The following CDH23 variants were observed in gnomAD, a reference collection of about 807,000 sequenced individuals.
CDH23 encodes cadherin-23.
Under a neutral mutation model 317.1 loss-of-function variants are expected in CDH23, and 189 were observed. The ratio of observed to expected loss-of-function variants is 0.60; its 90% CI spans 0.53 to 0.67. The LOEUF is 0.67. Among genes scored for constraint, CDH23 ranks in the 30% least tolerant of loss-of-function variants. CDH23 has a pLI of 0.00. For synonymous variants in CDH23, 1,839 were observed against 1,876.8 expected, an observed-to-expected ratio of 0.98 and a Z score of 0.52; for missense variants, 4,401 against 4,592.4, an observed-to-expected ratio of 0.96 and a Z score of 1.20.
At chr10:71,441,098 C>T (rs1849854364) in intron 2 of CDH23, among the ~76,000 whole-genome samples, 1 of 152,178 alleles carries the variant, frequency 6.6e-6, no homozygotes, top group South Asian at 2.1e-4. Context: ...TCTCAGAGTG[C>T]AAGGGAGCCT....
chr10:71,618,840 CACGT>C (rs1861327515), intron 11 of CDH23, among the ~76,000 whole-genome samples: 1 of 149,518 alleles, frequency 6.7e-6, no homozygotes, highest in South Asian at 2.1e-4. Flanking sequence ...TGTGTGTGCA[CACGT>C]GTGTGTGTGT....
At position 71,791,242 on chromosome 10, in the gene CDH23, C is replaced by T; in HGVS notation, c.6160C>T (p.His2054Tyr). Residue 2054 changes from histidine (H) to tyrosine (Y), a missense_variant, in exon 47 of 70, where the codon CAC (histidine) becomes TAC (tyrosine). His to Tyr is a moderately conservative substitution (Grantham distance 83). Transcript: ENST00000224721. ...CATCGGGCTGCTCAACAGCACGGCC[C>T]ACCTGCTCATCACCATCCTGGATGA... ...EDIGLLNSTA[H>Y]LLITILDDND... The T allele has an allele frequency of 1.2e-6, 2 of 1,613,638 alleles. No homozygotes were observed. Among genetic ancestry groups the T allele is most frequent in the Non-Finnish European group, 1.7e-6 (2 of 1,179,610 alleles).
At chr10:71,786,488 CTTTT>C (rs71018221) in intron 44 of CDH23, among the ~76,000 whole-genome samples, 1 of 105,376 alleles carries the variant, frequency 9.5e-6, no homozygotes, top group Non-Finnish European at 1.8e-5. Context: ...GCTTCCTACT[CTTTT>C]TTTTTTTTTT....
intron 6 of CDH23, among the ~76,000 whole-genome samples, chr10:71,560,373 G>C (rs1375954245): frequency 6.6e-6 from 1 of 151,968 alleles, no homozygotes; most frequent in Non-Finnish European, 1.5e-5. Flanking sequence ...TTTGGCTACA[G>C]CTCCCCACCA....
intron 48 of CDH23, among the ~76,000 whole-genome samples, chr10:71,794,877 G>A (rs1300352798): frequency 1.3e-5 from 2 of 152,176 alleles, no homozygotes; most frequent in Non-Finnish European, 2.9e-5. Context: ...ATTGGTGATG[G>A]TGGAGTTGGG....
At chr10:71,763,364 A>C (rs1840446396) in intron 38 of CDH23, among the ~76,000 whole-genome samples, 1 of 152,162 alleles carries the variant, frequency 6.6e-6, no homozygotes, top group Admixed American at 6.5e-5. Context: ...GCAGAGAGGG[A>C]AGGAGGGTTA....
intron 6 of CDH23, among the ~76,000 whole-genome samples, chr10:71,526,345 G>A (rs1855039923): frequency 1.3e-5 from 2 of 152,238 alleles, no homozygotes; most frequent in Admixed American, 1.3e-4. Flanking sequence ...CGTGGGCCCA[G>A]GAGGCAGGAA....
chr10:71,523,567 G>A (rs546053513), intron 6 of CDH23, among the ~76,000 whole-genome samples: 1 of 152,194 alleles, frequency 6.6e-6, no homozygotes, highest in Admixed American at 6.5e-5. Flanking sequence ...AGCCACACTC[G>A]GGAGGCACGG....
chr10:71,446,516 G>A, intron 3 of CDH23, 121 bp downstream of exon 3: 1 of 987,666 alleles, frequency 1.0e-6, no homozygotes, highest in Admixed American at 2.0e-5. Flanking sequence ...CTTTTCCATT[G>A]TGTAGAAAGG....
intron 3 of CDH23, among the ~76,000 whole-genome samples, chr10:71,466,244 A>G (rs1851248165): frequency 6.6e-6 from 1 of 151,936 alleles, no homozygotes; most frequent in Non-Finnish European, 1.5e-5. Flanking sequence ...TTGCATGTGT[A>G]TACACACATG....
intron 14 of CDH23, among the ~76,000 whole-genome samples, chr10:71,660,716 C>G (rs1863612903): frequency 6.6e-6 from 1 of 152,068 alleles, no homozygotes; most frequent in Non-Finnish European, 1.5e-5. Flanking sequence ...AAATCAGTTT[C>G]TGTTAATTTG....
At chr10:71,454,845 A>ATTTT (rs397720434) in intron 3 of CDH23, among the ~76,000 whole-genome samples, 4 of 141,256 alleles carry the variant, frequency 2.8e-5, no homozygotes, top group Non-Finnish European at 4.6e-5. Flanking sequence ...TTTACATTTT[A>ATTTT]TTTTTTTTTT....
At position 71,403,442 on chromosome 10, in the gene CDH23, TTCCTTCCTTCCTTTCCTTCCTTCC is replaced by T. The variant is rs1386467636; in HGVS notation, c.-6+6126_-6+6149del. 3.2e-3 allele frequency among the ~76,000 whole-genome samples: 254 copies of T among 78,422 alleles called. 38 individuals carry two copies. Among genetic ancestry groups the T allele is most frequent in the African/African-American group, 0.02 (235 of 11,998 alleles). 51.4% of individuals were successfully genotyped at this position (78,422 alleles called of 152,430 possible). The stretch of plus-strand genomic sequence containing the variant: ...CTTCCTTCCTTCCTTCCTTCCTTCC[TTCCTTCCTTCCTTTCCTTCCTTCC>T]TTCCTTCCTTCCTTCCTTCCTTCCT... On this transcript the variant is annotated intron_variant, in intron 1 of 69. Transcript: ENST00000224721.
intron 3 of CDH23, among the ~76,000 whole-genome samples, chr10:71,475,643 C>T (rs56288428): frequency 0.042 from 6,378 of 152,274 alleles, 178 homozygotes; most frequent in Non-Finnish European, 0.061. Flanking sequence ...ATCTGTCACC[C>T]GAGGGGTCCC....
intron 29 of CDH23, among the ~76,000 whole-genome samples, chr10:71,725,095 C>T (rs1368749993): frequency 6.6e-6 from 1 of 152,172 alleles, no homozygotes; most frequent in Non-Finnish European, 1.5e-5. Flanking sequence ...AGGAGCCCCA[C>T]CTGCTGGGGA....
intron 38 of CDH23, among the ~76,000 whole-genome samples, chr10:71,759,047 T>G (rs1303388897): frequency 1.4e-5 from 2 of 146,780 alleles, no homozygotes; most frequent in African/African-American, 2.5e-5. Flanking sequence ...TTTTGGGTTG[T>G]TTTTTTTTTG....
intron 54 of CDH23, 60 bp downstream of exon 54, chr10:71,803,135 A>T: frequency 6.2e-7 from 1 of 1,600,846 alleles, no homozygotes; most frequent in Non-Finnish European, 8.6e-7. Flanking sequence ...GAGGCCTGCC[A>T]GCCCAGGCCA....
Position 71,803,156 on chromosome 10 carries a change from G to T in CDH23, c.7661-53G>T. 3.1e-6 allele frequency: 5 copies of T among 1,605,030 alleles called. No homozygotes were observed. In the Admixed American group the frequency reaches 8.4e-5, roughly 27 times the overall value. On this transcript the variant is annotated intron_variant, in intron 54 of 69. Transcript: ENST00000224721. ...TGCCAGCCCAGGCCAGGAGTAGAGG[G>T]AAGCGTGGGAAGGATGTCTCAACCA... is the stretch of plus-strand genomic sequence containing the variant.
chr10:71,812,631 A>G, intron 67 of CDH23, 22 bp downstream of exon 67: 7 of 1,602,188 alleles, frequency 4.4e-6, no homozygotes, highest in Non-Finnish European at 5.9e-6. Flanking sequence ...GCGGTCAGGC[A>G]TCACAAGGGG....
Sources: allele counts gnomAD v4.1 joint callset (sites outside exome capture counted in the v4.1 genomes callset), GRCh38; gene constraint gnomAD v4.1.1; transcripts MANE v1.5; gene names NCBI Gene and HGNC (gene_info 2026-07-23, HGNC 2026-07-21).